The following ASTN2 variants were observed in gnomAD, a reference collection of about 807,000 sequenced individuals.
ASTN2 encodes the protein astrotactin 2.
In ASTN2, 54 loss-of-function variants were observed where a neutral mutation model predicts 139.8. That is an observed-to-expected ratio of 0.39 (90% CI 0.31 to 0.48). The LOEUF (loss-of-function observed/expected upper bound fraction) is 0.48. Ranked by LOEUF, ASTN2 falls within the 20% of genes least tolerant of loss-of-function variation. The pLI is 0.95. For missense variants in ASTN2, 1,565 were observed against 1,725.1 expected (o/e 0.91, Z 1.64); for synonymous variants, 756 against 719.5 (o/e 1.05, Z -0.81).
intron 3 of ASTN2, among the ~76,000 whole-genome samples, chr9:117,144,562 T>C (rs1830147194): frequency 6.6e-6 from 1 of 151,034 alleles, no homozygotes; most frequent in Non-Finnish European, 1.5e-5. Context: ...GGATTAAGGA[T>C]GACTCCTGGG....
At chr9:116,789,365 T>G (rs1228778110) in intron 13 of ASTN2, among the ~76,000 whole-genome samples, 17 of 152,230 alleles carry the variant, frequency 1.1e-4, no homozygotes, top group Non-Finnish European at 1.0e-4. Flanking sequence ...CTTTGACTCC[T>G]GGCTTGTGCC....
chr9:117,130,556 C>T (rs538988244), intron 4 of ASTN2, among the ~76,000 whole-genome samples: 36 of 152,188 alleles, frequency 2.4e-4, no homozygotes, highest in South Asian at 1.9e-3. Flanking sequence ...TCCTTAAGCC[C>T]GGGGGGCTTC....
intron 7 of ASTN2, among the ~76,000 whole-genome samples, chr9:116,998,762 A>G (rs1837096526): frequency 6.6e-6 from 1 of 152,190 alleles, no homozygotes; most frequent in Non-Finnish European, 1.5e-5. Flanking sequence ...AAATATCAGC[A>G]TATCTTACTG....
At chr9:116,768,443 A>AC (rs1317640327) in intron 13 of ASTN2, among the ~76,000 whole-genome samples, 4 of 151,784 alleles carry the variant, frequency 2.6e-5, no homozygotes, top group African/African-American at 9.7e-5. Context: ...TGCCTCCCTG[A>AC]CCCGTCCTCC....
At chr9:116,998,862 T>A (rs1181283321) in intron 7 of ASTN2, among the ~76,000 whole-genome samples, 1 of 152,184 alleles carries the variant, frequency 6.6e-6, no homozygotes, top group South Asian at 2.1e-4. Flanking sequence ...AAACAGGGAA[T>A]TTCTCCATCA....
chr9:117,218,837 G>A (rs1832418749), intron 2 of ASTN2, among the ~76,000 whole-genome samples: 1 of 152,122 alleles, frequency 6.6e-6, no homozygotes, highest in African/African-American at 2.4e-5. Flanking sequence ...GGCTATCTTG[G>A]ACATAGAACT....
At chr9:117,079,446 T>C (rs969173045) in intron 5 of ASTN2, among the ~76,000 whole-genome samples, 1 of 152,054 alleles carries the variant, frequency 6.6e-6, no homozygotes, top group African/African-American at 2.4e-5. Context: ...TGGACTGAGG[T>C]CCAAAGTTAG....
chr9:116,807,757 CA>C (rs1338117834), intron 12 of ASTN2, among the ~76,000 whole-genome samples: 3 of 152,128 alleles, frequency 2.0e-5, no homozygotes, highest in Non-Finnish European at 4.4e-5. Context: ...TCACCCTCCA[CA>C]CATACCCACA....
chr9:117,071,753 G>A (rs984655226), intron 5 of ASTN2, among the ~76,000 whole-genome samples: 2 of 151,068 alleles, frequency 1.3e-5, no homozygotes, highest in African/African-American at 2.4e-5. Context: ...CGCAATACTC[G>A]GGTGGGAGTG....
At chr9:117,288,443 G>C (rs1440677806) in intron 2 of ASTN2, among the ~76,000 whole-genome samples, 2 of 151,966 alleles carry the variant, frequency 1.3e-5, no homozygotes, top group Admixed American at 6.6e-5. Context: ...TAGAAGATTT[G>C]GGTCTTCTCA....
intron 16 of ASTN2, among the ~76,000 whole-genome samples, chr9:116,682,350 G>A (rs1353214733): frequency 6.6e-6 from 1 of 152,168 alleles, no homozygotes; most frequent in African/African-American, 2.4e-5. Flanking sequence ...CAGTTAGAAT[G>A]GCAATCATTA....
chr9:116,904,527 TCAGCC>T (rs1281450299), intron 10 of ASTN2, among the ~76,000 whole-genome samples: 4 of 152,292 alleles, frequency 2.6e-5, no homozygotes, highest in African/African-American at 9.6e-5. Flanking sequence ...ACAATTTACT[TCAGCC>T]CTGTGGGCTT....
intron 5 of ASTN2, among the ~76,000 whole-genome samples, chr9:117,043,329 C>G (rs1190582293): frequency 6.6e-6 from 1 of 152,160 alleles, no homozygotes; most frequent in Non-Finnish European, 1.5e-5. Flanking sequence ...AATGGACACT[C>G]TGGACAGTGA....
chr9:117,338,753 C>T lies in ASTN2; in HGVS notation c.443-47240G>A, dbSNP rs549283709. ...AAGTAATTTTTTTTTTTGCCATTAT[C>T]TTTTTTTTTGCCATTATCTTTAATA... On this transcript the variant is annotated intron_variant, in intron 1 of 22. Transcript: ENST00000313400. Among the ~76,000 whole-genome samples the T allele has an allele frequency of 6.1e-3, 922 of 150,292 alleles. 9 individuals are homozygous for T. The highest frequency in any genetic ancestry group is 0.021 in the African/African-American group (874 of 40,874).
chr9:117,297,045 G>A (rs1284759032), intron 1 of ASTN2, among the ~76,000 whole-genome samples: 1 of 152,142 alleles, frequency 6.6e-6, no homozygotes, highest in East Asian at 1.9e-4. Flanking sequence ...CTAATCTATG[G>A]CACTCATTGT....
chr9:117,321,072 T>C (rs996724840), intron 1 of ASTN2, among the ~76,000 whole-genome samples: 1 of 152,044 alleles, frequency 6.6e-6, no homozygotes, highest in East Asian at 1.9e-4. Flanking sequence ...TTTCACACAG[T>C]GTTGTCCACT....
At chr9:116,940,476 C>T (rs1479550932) in intron 10 of ASTN2, among the ~76,000 whole-genome samples, 1 of 152,080 alleles carries the variant, frequency 6.6e-6, no homozygotes, top group African/African-American at 2.4e-5. Flanking sequence ...ATTGATGATC[C>T]TGATTCTGTG....
intron 6 of ASTN2, among the ~76,000 whole-genome samples, chr9:117,029,624 A>G (rs2132630938): frequency 6.6e-6 from 1 of 152,170 alleles, no homozygotes; most frequent in South Asian, 2.1e-4. Flanking sequence ...CCACCCCAGT[A>G]TCTGAGCATG....
chr9:116,526,621 CAAA>C (rs34222127), intron 19 of ASTN2, among the ~76,000 whole-genome samples: 1 of 137,308 alleles, frequency 7.3e-6, no homozygotes, highest in Non-Finnish European at 1.6e-5. Context: ...GAACTTGTCT[CAAA>C]AAAAAAAAAA....
Sources: allele counts gnomAD v4.1 joint callset (sites outside exome capture counted in the v4.1 genomes callset), GRCh38; gene constraint gnomAD v4.1.1; transcripts MANE v1.5; gene names NCBI Gene and HGNC (gene_info 2026-07-23, HGNC 2026-07-21).